Variants in PTPRT observed in about 807,000 individuals in gnomAD.
The protein encoded by PTPRT is protein tyrosine phosphatase receptor type T, also known as receptor-type tyrosine-protein phosphatase T.
PTPRT carries 56 observed loss-of-function variants against 176.8 expected under a neutral mutation model. The observed-to-expected ratio is 0.32, with a 90% CI of 0.26 to 0.40. PTPRT has a LOEUF of 0.40. Among genes scored for constraint, PTPRT ranks in the 10% least tolerant of loss-of-function variants. The probability of loss-of-function intolerance (pLI) is 1.00; values close to 1 mark genes in which losing one functional copy is unlikely to be tolerated. For missense variants in PTPRT, 1,540 were observed against 1,908.2 expected, an observed-to-expected ratio of 0.81 and a Z score of 3.60; for synonymous variants, 783 against 739.0, an observed-to-expected ratio of 1.06 and a Z score of -0.96.
chr20:42,481,821 T>C (rs1043880600), intron 7 of PTPRT, among the ~76,000 whole-genome samples: 3 of 151,828 alleles, frequency 2.0e-5, no homozygotes, highest in African/African-American at 7.3e-5. Flanking sequence ...CATGTATATA[T>C]ATGGTTATCA....
intron 3 of PTPRT, among the ~76,000 whole-genome samples, chr20:42,784,484 G>C (rs759570894): frequency 1.3e-5 from 2 of 152,172 alleles, no homozygotes; most frequent in Non-Finnish European, 2.9e-5. Context: ...AAGGAGACCT[G>C]TATAAGACAA....
chr20:42,751,441 C>A (rs1160961001), intron 6 of PTPRT, among the ~76,000 whole-genome samples: 1 of 152,118 alleles, frequency 6.6e-6, no homozygotes, highest in Non-Finnish European at 1.5e-5. Context: ...CCTACAGGGA[C>A]TTGTGATGGT....
chr20:43,010,281 T>C (rs1440782750), intron 1 of PTPRT, among the ~76,000 whole-genome samples: 1 of 152,160 alleles, frequency 6.6e-6, no homozygotes, highest in Non-Finnish European at 1.5e-5. Context: ...CCCTGCAGTG[T>C]AGAACCGATG....
chr20:43,055,706 G>C (rs1350915454), intron 1 of PTPRT, among the ~76,000 whole-genome samples: 2 of 152,234 alleles, frequency 1.3e-5, no homozygotes, highest in Non-Finnish European at 2.9e-5. Flanking sequence ...GCAAGACAGT[G>C]AGACCAGCTT....
At chr20:43,009,529 C>A (rs1431659678) in intron 1 of PTPRT, among the ~76,000 whole-genome samples, 1 of 152,108 alleles carries the variant, frequency 6.6e-6, no homozygotes, top group Non-Finnish European at 1.5e-5. Flanking sequence ...GTGAGAGGGG[C>A]ACTATGCATT....
intron 1 of PTPRT, among the ~76,000 whole-genome samples, chr20:42,974,972 T>TA (rs528637076): frequency 4.5e-4 from 68 of 152,276 alleles, no homozygotes; most frequent in Non-Finnish European, 7.4e-4. Context: ...CATAACGTTT[T>TA]AAAAAATAAC....
chr20:42,336,439 G>T (rs981369549), intron 11 of PTPRT, among the ~76,000 whole-genome samples: 2 of 152,084 alleles, frequency 1.3e-5, no homozygotes, highest in African/African-American at 4.8e-5. Flanking sequence ...GGGAGGGGGG[G>T]TTGTAAATGG....
At chr20:43,080,097 T>C (rs1489539000) in intron 1 of PTPRT, among the ~76,000 whole-genome samples, 1 of 152,174 alleles carries the variant, frequency 6.6e-6, no homozygotes, top group Non-Finnish European at 1.5e-5. Context: ...GCCCCTCACA[T>C]TGGGCAAAGT....
At chr20:42,356,652 C>T (rs752224392) in intron 9 of PTPRT, among the ~76,000 whole-genome samples, 25 of 152,238 alleles carry the variant, frequency 1.6e-4, no homozygotes, top group African/African-American at 3.6e-4. Context: ...GCAGAGATGG[C>T]GCTACTGCAC....
intron 6 of PTPRT, among the ~76,000 whole-genome samples, chr20:42,743,485 G>A (rs1600688085): frequency 6.6e-6 from 1 of 152,194 alleles, no homozygotes; most frequent in East Asian, 1.9e-4. Flanking sequence ...GAGCTGCATC[G>A]TTTGTTTTTT....
In PTPRT at chr20:42,073,193, G is replaced by A. The variant is rs1982457394; in HGVS notation, c.*7686C>T. 5.2e-6 allele frequency: 1 copy of A among 190,570 alleles called. No individual in the cohort carries two copies. The highest frequency in any genetic ancestry group is 1.9e-4 in the South Asian group (1 of 5,152). 11.8% of individuals were successfully genotyped at this position (190,570 alleles called of 1,614,324 possible). On this transcript the variant is annotated 3_prime_UTR_variant, in exon 31 of 31. Coordinates refer to ENST00000373187, the MANE Select transcript of PTPRT (RefSeq NM_007050.6). ...ATGTCAGCCTCCCTGGAGTTGAGCGGGAACCTTGGGATAGCTTGTGAGGGT... is the reference window on the plus strand; with the variant it reads ...ATGTCAGCCTCCCTGGAGTTGAGCGAGAACCTTGGGATAGCTTGTGAGGGT...
At chr20:42,109,780 C>T (rs928877943) in intron 23 of PTPRT, among the ~76,000 whole-genome samples, 3 of 152,200 alleles carry the variant, frequency 2.0e-5, no homozygotes, top group South Asian at 2.1e-4. Context: ...GTAAAATGCA[C>T]GTGACAGACC....
chr20:42,723,869 A>G (rs763968573), intron 6 of PTPRT, among the ~76,000 whole-genome samples: 10 of 152,202 alleles, frequency 6.6e-5, no homozygotes, highest in Admixed American at 5.9e-4. Context: ...TCCTATCTGG[A>G]CAGGGTAGGC....
chr20:43,128,934 T>C lies in PTPRT; in HGVS notation c.88+60712A>G, dbSNP rs59215071. On this transcript the variant is annotated intron_variant, in intron 1 of 30. Transcript: ENST00000373187. ...ACAATTTTAAAGTTATATTTATTCG[T>C]ACATATAAAGTTATACACACATATA... Among the ~76,000 whole-genome samples, 417 of 152,342 alleles carry C rather than the reference T, an allele frequency of 2.7e-3. 3 individuals are homozygous for C. Among genetic ancestry groups the C allele is most frequent in the Middle Eastern group, 0.014 (4 of 294 alleles).
intron 9 of PTPRT, among the ~76,000 whole-genome samples, chr20:42,363,515 G>A (rs2058470372): frequency 1.3e-5 from 2 of 150,928 alleles, no homozygotes; most frequent in South Asian, 4.2e-4. Flanking sequence ...TCTCCATGTT[G>A]GTCAGGCTGG....
At position 43,053,036 on chromosome 20, in the gene PTPRT, G is replaced by A. The variant is rs991791037; in HGVS notation, c.88+136610C>T. ...AAAGGTGGATATGGCATATCCATAT[G>A]ATGGAATATGCCTCAGACATAAAAA... is the stretch of plus-strand genomic sequence containing the variant. On this transcript the variant is annotated intron_variant, in intron 1 of 30. Coordinates refer to ENST00000373187, the MANE Select transcript of PTPRT (RefSeq NM_007050.6). Among the ~76,000 whole-genome samples the A allele has an allele frequency of 3.4e-5, 5 of 147,084 alleles. No individual in the cohort carries two copies. In the Admixed American group the frequency reaches 3.5e-4, roughly 10 times the overall value.
chr20:42,035,626 G>C, the PTPRT span, among the ~76,000 whole-genome samples: 2 of 152,102 alleles, frequency 1.3e-5, no homozygotes, highest in Admixed American at 1.3e-4. Context: ...GCAGATGCTT[G>C]CTGCAGCACT....
intron 7 of PTPRT, among the ~76,000 whole-genome samples, chr20:42,544,166 A>G (rs995904315): frequency 3.9e-5 from 6 of 152,194 alleles, no homozygotes; most frequent in South Asian, 4.1e-4. Flanking sequence ...TCTAGCTACG[A>G]AAGTCCTAGA....
chr20:42,461,915 T>C (rs1440706592), intron 8 of PTPRT, among the ~76,000 whole-genome samples: 2 of 150,894 alleles, frequency 1.3e-5, no homozygotes, highest in African/African-American at 2.4e-5. Context: ...ATACAGCTTG[T>C]GTGGAGGGTG....
Sources: gnomAD v4.1 joint callset for allele counts (sites outside exome capture counted in the v4.1 genomes callset) on GRCh38, gnomAD v4.1.1 for gene constraint, MANE v1.5 for transcripts, NCBI Gene and HGNC (gene_info 2026-07-23, HGNC 2026-07-21) for gene names.